The following AFG3L2 variants were observed in gnomAD, a reference collection of about 807,000 sequenced individuals.
The protein encoded by AFG3L2 is AFG3 like matrix AAA peptidase subunit 2.
In AFG3L2, 54 loss-of-function variants were observed where a neutral mutation model predicts 94.5. The ratio of observed to expected loss-of-function variants is 0.57; its 90% CI spans 0.46 to 0.72. The LOEUF is 0.72. AFG3L2 is among the 30% of genes least tolerant of loss of function. The pLI, the probability that AFG3L2 is intolerant of heterozygous loss-of-function variation, is 0.00. For synonymous variants in AFG3L2, 377 were observed against 365.5 expected (o/e 1.03, Z -0.36); for missense variants, 754 against 994.9 (o/e 0.76, Z 3.26).
At chr18:12,335,629 A>G (rs536153139) in intron 16 of AFG3L2, among the ~76,000 whole-genome samples, 25 of 152,344 alleles carry the variant, frequency 1.6e-4, no homozygotes, top group African/African-American at 6.0e-4. Context: ...TCTTGGGTCT[A>G]CAGGGTCCAC....
rs1215893046 is a variant in AFG3L2 at position 12,376,016 on chromosome 18, G to C, written c.114+953C>G. Among the ~76,000 whole-genome samples, 6 of 152,302 alleles carry C rather than the reference G, an allele frequency of 3.9e-5. No homozygotes were observed. In the East Asian group the frequency reaches 1.2e-3, roughly 29 times the overall value. The stretch of plus-strand genomic sequence containing the variant: ...AAAATAAAAATAAAAATCGTAGATC[G>C]GAGGGTCTGCTACCCTACCCAAGCT... On this transcript the variant is annotated intron_variant, in intron 1 of 16. Coordinates refer to ENST00000269143, the MANE Select transcript of AFG3L2 (RefSeq NM_006796.3).
At chr18:12,337,862 C>T (rs1162203420) in intron 15 of AFG3L2, among the ~76,000 whole-genome samples, 1 of 152,090 alleles carries the variant, frequency 6.6e-6, no homozygotes, top group Admixed American at 6.6e-5. Context: ...CTCCACATCC[C>T]GAGTTCAAGC....
rs184059262 is a variant in AFG3L2 at position 12,366,608 on chromosome 18, T to C, written c.552+357A>G. Reference sequence around the variant, plus strand: ...CAAAGCAGGGGCAGACGCTGGCACATGATAGCACAGAGCAGGGGCAGAGGC... The same window carrying C: ...CAAAGCAGGGGCAGACGCTGGCACACGATAGCACAGAGCAGGGGCAGAGGC... On this transcript the variant is annotated intron_variant, in intron 5 of 16. Coordinates refer to ENST00000269143, the MANE Select transcript of AFG3L2 (RefSeq NM_006796.3). 6.6e-5 allele frequency among the ~76,000 whole-genome samples: 10 copies of C among 151,760 alleles called. No homozygotes were observed. The East Asian group carries it at 1.2e-3, about 18-fold the overall frequency.
chr18:12,354,119 C>A (rs1378922331), intron 9 of AFG3L2, among the ~76,000 whole-genome samples: 1 of 138,948 alleles, frequency 7.2e-6, no homozygotes, highest in African/African-American at 3.0e-5. Context: ...CAACTCTCCA[C>A]CTGCCCACTC....
In AFG3L2 at chr18:12,355,292, C is replaced by T. The variant is rs146963375; in HGVS notation, c.1164+1402G>A. Among the ~76,000 whole-genome samples, 435 of 151,838 alleles carry T rather than the reference C, an allele frequency of 2.9e-3. 3 individuals carry two copies. The highest frequency in any genetic ancestry group is 6.0e-3 in the East Asian group (31 of 5,172). On this transcript the variant is annotated intron_variant, in intron 9 of 16. Transcript: ENST00000269143. ...GAGCAAAGGATCTGAATAGACAACT[C>T]TCCAAGGAAGATATACAAATATACA...
chr18:12,376,113 C>G (rs1909147130), intron 1 of AFG3L2, among the ~76,000 whole-genome samples: 1 of 152,246 alleles, frequency 6.6e-6, no homozygotes, highest in Non-Finnish European at 1.5e-5. Flanking sequence ...CAGGCGTGAG[C>G]CCCGGCACTA....
At chr18:12,363,015 A>G (rs1004965324) in intron 6 of AFG3L2, among the ~76,000 whole-genome samples, 1 of 152,202 alleles carries the variant, frequency 6.6e-6, no homozygotes, top group Admixed American at 6.5e-5. Context: ...AGACAATTAA[A>G]ATACCTTCCC....
chr18:12,345,702 G>A (rs973179811), intron 13 of AFG3L2, among the ~76,000 whole-genome samples: 6 of 152,150 alleles, frequency 3.9e-5, no homozygotes, highest in East Asian at 1.9e-4. Context: ...CTGCGGCTGC[G>A]TGGCTGCCCG....
In AFG3L2 at chr18:12,367,520, A is replaced by G. The variant is rs1908845345; in HGVS notation, c.293-138T>C. 17 of 800,158 alleles carry G rather than the reference A, an allele frequency of 2.1e-5. No homozygotes were observed. The East Asian group carries it at 4.4e-4, about 21-fold the overall frequency. The allele number at this position is 800,158 out of a possible 1,614,324, so 49.6% of individuals were successfully genotyped here. On this transcript the variant is annotated intron_variant, in intron 3 of 16. Coordinates refer to ENST00000269143, the MANE Select transcript of AFG3L2 (RefSeq NM_006796.3). ...CTGATCAGTTACTAAGTGAAGCACTATGAGAAAGAATACAAATACAAAGCT... is the reference window on the plus strand; with the variant it reads ...CTGATCAGTTACTAAGTGAAGCACTGTGAGAAAGAATACAAATACAAAGCT...
chr18:12,336,661 T>G (rs1907752302), intron 16 of AFG3L2, among the ~76,000 whole-genome samples: 1 of 152,266 alleles, frequency 6.6e-6, no homozygotes, highest in African/African-American at 2.4e-5. Flanking sequence ...TAGGCAGTTG[T>G]GTCAATCCCT....
At chr18:12,370,184 A>C (rs982500317) in intron 3 of AFG3L2, among the ~76,000 whole-genome samples, 2 of 152,010 alleles carry the variant, frequency 1.3e-5, no homozygotes, top group African/African-American at 4.8e-5. Context: ...TGCTCTGAGG[A>C]GCAATTTTTA....
chr18:12,375,406 G>C (rs1292522570), intron 1 of AFG3L2, among the ~76,000 whole-genome samples: 1 of 142,790 alleles, frequency 7.0e-6, no homozygotes, highest in Middle Eastern at 3.3e-3. Flanking sequence ...ACTGAGCCCA[G>C]GTAAGAAAAA....
rs1377406753 is a variant in AFG3L2, at chr18:12,377,093, G to A, written c.-11C>T. 24 of 1,402,666 alleles carry A rather than the reference G, an allele frequency of 1.7e-5. No homozygotes were observed. In the East Asian group the frequency reaches 7.1e-4, roughly 41 times the overall value. 86.9% of individuals were successfully genotyped at this position (1,402,666 alleles called of 1,614,324 possible). ...ACAGCGGTGCGCCATGGCCGCCGCC[G>A]TGGCCCTCTCGGCCCGGGACGCTGC... On this transcript the variant is annotated 5_prime_UTR_variant, in exon 1 of 17. In the 5' UTR this introduces an upstream ATG that the reference lacks. Coordinates refer to ENST00000269143, the MANE Select transcript of AFG3L2 (RefSeq NM_006796.3).
At chr18:12,376,828 G>C (rs1200821004) in intron 1 of AFG3L2, 141 bp downstream of exon 1, 5 of 566,298 alleles carry the variant, frequency 8.8e-6, no homozygotes, top group Non-Finnish European at 1.4e-5. Context: ...CTGAGAGACA[G>C]CGCAGGGCGC....
rs1907462107 is a variant in AFG3L2, at chr18:12,329,870, T to C, written c.2176-87A>G. 35 of 1,176,736 alleles carry C rather than the reference T, an allele frequency of 3.0e-5. No homozygotes were observed. The South Asian group carries it at 4.6e-4, about 16-fold the overall frequency. 72.9% of individuals were successfully genotyped at this position (1,176,736 alleles called of 1,614,324 possible). On this transcript the variant is annotated intron_variant, in intron 16 of 16. Transcript: ENST00000269143. ...ATTTTTTATTTACAGGTGACCCCAT[T>C]CCAAAAAAGGATTTAAGACCAATGA... is the stretch of plus-strand genomic sequence containing the variant.
intron 16 of AFG3L2, among the ~76,000 whole-genome samples, chr18:12,331,808 A>AATATATATATAT (rs35558132): frequency 6.8e-6 from 1 of 146,348 alleles, no homozygotes; most frequent in African/African-American, 2.6e-5. Context: ...TAAATAAATA[A>AATATATATATAT]ATATATATAT....
intron 9 of AFG3L2, 32 bp from the exon 10 acceptor site, chr18:12,353,190 C>T: frequency 6.2e-7 from 1 of 1,612,308 alleles, no homozygotes; most frequent in South Asian, 1.1e-5. Context: ...GTCACCTGAC[C>T]AGAGAATATT....
chr18:12,348,785 A>G (rs1457066525), intron 12 of AFG3L2, among the ~76,000 whole-genome samples: 1 of 152,224 alleles, frequency 6.6e-6, no homozygotes, highest in East Asian at 1.9e-4. Flanking sequence ...TGAAAAATCT[A>G]ATTTTTATAA....
At chr18:12,375,807 A>G (rs981882558) in intron 1 of AFG3L2, among the ~76,000 whole-genome samples, 12 of 152,004 alleles carry the variant, frequency 7.9e-5, no homozygotes, top group Admixed American at 7.9e-4. Flanking sequence ...CTGGGATTAC[A>G]GCCGTGAGCT....
Sources: allele counts gnomAD v4.1 joint callset (sites outside exome capture counted in the v4.1 genomes callset), GRCh38; gene constraint gnomAD v4.1.1; transcripts MANE v1.5; gene names NCBI Gene and HGNC (gene_info 2026-07-23, HGNC 2026-07-21).